IDE: variants seen among roughly 807,000 people sequenced by gnomAD.
The protein encoded by IDE is insulin degrading enzyme.
A neutral mutation model predicts 133.2 loss-of-function variants in IDE; 58 were observed. That is an observed-to-expected ratio of 0.44 (90% CI 0.35 to 0.54). IDE has a LOEUF of 0.54. Among genes scored for constraint, IDE ranks in the 20% least tolerant of loss-of-function variants. The pLI, the probability that IDE is intolerant of heterozygous loss-of-function variation, is 0.00. For synonymous variants in IDE, 396 were observed against 421.3 expected (o/e 0.94, Z 0.73); for missense variants, 981 against 1,234.0 (o/e 0.79, Z 3.07).
In IDE at chr10:92,472,708, G is replaced by A. The variant is rs537249328; in HGVS notation, c.2116+2133C>T. 2.8e-3 allele frequency among the ~76,000 whole-genome samples: 409 copies of A among 147,248 alleles called. 5 individuals are homozygous for A. The highest frequency in any genetic ancestry group is 9.9e-3 in the African/African-American group (393 of 39,570). On this transcript the variant is annotated intron_variant, in intron 17 of 24. Transcript: ENST00000265986. ...GGCTGGAGTGCAGTGGCACGATCTCGGCTCACTGCAACCTCTGCCTCCTGG... is the reference window on the plus strand; with the variant it reads ...GGCTGGAGTGCAGTGGCACGATCTCAGCTCACTGCAACCTCTGCCTCCTGG...
chr10:92,454,492 C>T lies in IDE; in HGVS notation c.3012G>A (p.Leu1004=). The part of the protein sequence containing the change: ...NMTEFKRGLP[L]FPLVKPHINF... ...TAATATGTGGTTTCACAAGGGGAAACAGTGGCAGACCACGCTTGAATTCGG... is the reference window on the plus strand; with the variant it reads ...TAATATGTGGTTTCACAAGGGGAAATAGTGGCAGACCACGCTTGAATTCGG... The change falls in exon 25 of 25, where the codon CTG becomes CTA. Residue 1004 remains leucine, a synonymous_variant. Transcript: ENST00000265986. 6.2e-7 allele frequency: 1 copy of T among 1,614,016 alleles called. No homozygotes were observed. Among genetic ancestry groups the T allele is most frequent in the South Asian group, 1.1e-5 (1 of 91,078 alleles).
intron 17 of IDE, among the ~76,000 whole-genome samples, chr10:92,473,273 T>C (rs567003748): frequency 2.6e-4 from 39 of 152,042 alleles, no homozygotes; most frequent in South Asian, 8.3e-4. Context: ...GCTGAGCACA[T>C]AGGAAGAAAG....
intron 1 of IDE, among the ~76,000 whole-genome samples, chr10:92,545,478 A>G (rs1313428555): frequency 6.6e-6 from 1 of 152,242 alleles, no homozygotes; most frequent in Non-Finnish European, 1.5e-5. Context: ...AAGATGTTGG[A>G]AAGTTGTGCA....
chr10:92,537,245 A>G (rs1842059731), intron 2 of IDE, 121 bp downstream of exon 2: 9 of 673,572 alleles, frequency 1.3e-5, no homozygotes, highest in Non-Finnish European at 1.9e-5. Context: ...GTTCTGGTAT[A>G]AAATAAGGTA....
chr10:92,543,272 A>G (rs1170144693), intron 1 of IDE, among the ~76,000 whole-genome samples: 3 of 152,186 alleles, frequency 2.0e-5, no homozygotes, highest in Non-Finnish European at 4.4e-5. Context: ...ACACCACATA[A>G]CATTCCCAGT....
At chr10:92,566,762 T>G (rs932010395) in intron 1 of IDE, among the ~76,000 whole-genome samples, 1 of 152,094 alleles carries the variant, frequency 6.6e-6, no homozygotes, top group Non-Finnish European at 1.5e-5. Context: ...ATTGGATTGT[T>G]TGTAACAAAG....
At chr10:92,465,055 C>A (rs1235874854) in intron 20 of IDE, among the ~76,000 whole-genome samples, 1 of 152,244 alleles carries the variant, frequency 6.6e-6, no homozygotes, top group Non-Finnish European at 1.5e-5. Flanking sequence ...TGACTGTGAG[C>A]TCCTCGAAAG....
In IDE at chr10:92,492,891, G is replaced by A. The variant is rs11187021; in HGVS notation, c.1431-2296C>T. Among the ~76,000 whole-genome samples, 239 of 152,208 alleles carry A rather than the reference G, an allele frequency of 1.6e-3. 1 individual carries two copies. Among genetic ancestry groups the A allele is most frequent in the Non-Finnish European group, 2.7e-3 (182 of 67,996 alleles). Reference sequence around the variant, plus strand: ...ATACTCTACCTGGCTGACTGGACTTGGTCTTGTCATCTGCTTTTCGGTAGA... The same window carrying A: ...ATACTCTACCTGGCTGACTGGACTTAGTCTTGTCATCTGCTTTTCGGTAGA... On this transcript the variant is annotated intron_variant, in intron 11 of 24. Coordinates refer to ENST00000265986, the MANE Select transcript of IDE (RefSeq NM_004969.4).
rs981843146 is a variant in IDE, at chr10:92,530,304, GT to G, written c.661+1443del. Among the ~76,000 whole-genome samples, 271 of 148,034 alleles carry G rather than the reference GT, an allele frequency of 1.8e-3. 1 individual carries two copies. The highest frequency in any genetic ancestry group is 6.4e-3 in the African/African-American group (257 of 40,442). ...TTGAAAAAACAAAAAAAAAGTTGTT[GT>G]TTTTTTTTTGAGACAGGGTCTTACT... On this transcript the variant is annotated intron_variant, in intron 4 of 24. Coordinates refer to ENST00000265986, the MANE Select transcript of IDE (RefSeq NM_004969.4).
intron 3 of IDE, among the ~76,000 whole-genome samples, chr10:92,533,619 A>T (rs1338371106): frequency 6.6e-6 from 1 of 151,932 alleles, no homozygotes; most frequent in Non-Finnish European, 1.5e-5. Context: ...AATGCTTTGG[A>T]CTACCAGAGT....
At chr10:92,509,921 C>CAAA (rs11324773) in intron 6 of IDE, 129 bp downstream of exon 6, 2,145 of 334,704 alleles carry the variant, frequency 6.4e-3, no homozygotes, top group East Asian at 0.011. Context: ...ACTCTGTTTC[C>CAAA]AAAAAAAAAA....
intron 5 of IDE, among the ~76,000 whole-genome samples, chr10:92,510,793 T>TGAA (rs1848569801): frequency 2.3e-5 from 3 of 130,064 alleles, no homozygotes; most frequent in Admixed American, 7.9e-5. Flanking sequence ...TCTCACATGA[T>TGAA]ATATAGCACA....
In IDE at chr10:92,506,510, C is replaced by T; in HGVS notation, c.1258G>A (p.Val420Ile). 1.3e-6 allele frequency: 2 copies of T among 1,566,830 alleles called. No individual in the cohort carries two copies. Among genetic ancestry groups the T allele is most frequent in the Non-Finnish European group, 1.8e-6 (2 of 1,139,532 alleles). The change falls in exon 10 of 25, where the codon GTT becomes ATT. Residue 420 changes from valine (V) to isoleucine (I), a missense_variant. By Grantham distance (29) the Val-to-Ile change is conservative. Coordinates refer to ENST00000265986, the MANE Select transcript of IDE (RefSeq NM_004969.4). ...TCTTTGTCTTTAAACCTAAAAGCAA[C>T]AGCATTCAAGTCCTAAAATAGAAAG... ...VFQECKDLNA[V>I]AFRFKDKERP...
intron 1 of IDE, among the ~76,000 whole-genome samples, chr10:92,544,308 C>A (rs1191977916): frequency 6.6e-6 from 1 of 151,592 alleles, no homozygotes; most frequent in Non-Finnish European, 1.5e-5. Context: ...TTTAAAGTGT[C>A]ATAGGCTTTA....
At chr10:92,505,010 T>G in intron 10 of IDE, 113 bp from the exon 11 acceptor site, 1 of 554,284 alleles carries the variant, frequency 1.8e-6, no homozygotes, top group Non-Finnish European at 3.1e-6. Context: ...TCTCTTCAGT[T>G]AAATTTTACT....
At chr10:92,558,573 C>T (rs1253271004) in intron 1 of IDE, among the ~76,000 whole-genome samples, 1 of 152,054 alleles carries the variant, frequency 6.6e-6, no homozygotes, top group Non-Finnish European at 1.5e-5. Flanking sequence ...TGATAAGGGA[C>T]TTGTATAGAG....
At chr10:92,535,248 C>T (rs761610351) in intron 2 of IDE, among the ~76,000 whole-genome samples, 8 of 152,268 alleles carry the variant, frequency 5.3e-5, no homozygotes, top group Non-Finnish European at 7.4e-5. Context: ...GGACTACAGG[C>T]GCCCACCACC....
In IDE at chr10:92,463,920, A is replaced by G. The variant is rs1399929124; in HGVS notation, c.2572T>C (p.Tyr858His). The change falls in exon 21 of 25, where the codon TAC (tyrosine) becomes CAC (histidine). Residue 858 changes from tyrosine to histidine, a missense_variant. By Grantham distance (83) the Tyr-to-His change is moderately conservative (BLOSUM62 2). Coordinates refer to ENST00000265986, the MANE Select transcript of IDE (RefSeq NM_004969.4). The part of the protein sequence containing the change: ...FIIQSEKPPH[Y>H]LESRVEAFLI... ...AAAGCTTCCACTCTGCTTTCTAGGT[A>G]GTGAGGTGGCTTTTCTGACTGGATG... 6.2e-7 allele frequency: 1 copy of G among 1,613,968 alleles called. No individual in the cohort carries two copies. Among genetic ancestry groups the G allele is most frequent in the Non-Finnish European group, 8.5e-7 (1 of 1,179,966 alleles).
rs1477608311 is a variant in IDE at position 92,453,734 on chromosome 10, T to C, written c.*710A>G. On this transcript the variant is annotated 3_prime_UTR_variant, in exon 25 of 25. Transcript: ENST00000265986. The stretch of plus-strand genomic sequence containing the variant: ...CCAACTATGAAGAAGTAGGTCAATA[T>C]AATTCAATCAGAATGAAAGAAACCA... 3 of 152,224 alleles carry C rather than the reference T, an allele frequency of 2.0e-5. No homozygotes were observed. The highest frequency in any genetic ancestry group is 7.2e-5 in the African/African-American group (3 of 41,454). The allele number at this position is 152,224 out of a possible 1,614,324, so 9.4% of individuals were successfully genotyped here. A position where few individuals can be genotyped will look rare whatever the true frequency, so the allele number is the denominator to read the frequency against.
Sources: gnomAD v4.1 joint callset for allele counts (sites outside exome capture counted in the v4.1 genomes callset) on GRCh38, gnomAD v4.1.1 for gene constraint, MANE v1.5 for transcripts, NCBI Gene and HGNC (gene_info 2026-07-23, HGNC 2026-07-21) for gene names.